The following MKLN1 variants were observed in gnomAD, a reference collection of about 807,000 sequenced individuals.
MKLN1 encodes muskelin 1.
Under a neutral mutation model 99.0 loss-of-function variants are expected in MKLN1, and 18 were observed. The ratio of observed to expected loss-of-function variants is 0.18; its 90% CI spans 0.13 to 0.27. The LOEUF (loss-of-function observed/expected upper bound fraction) is 0.27. Among genes scored for constraint, MKLN1 ranks in the 10% least tolerant of loss-of-function variants. MKLN1 has a pLI of 1.00. For synonymous variants in MKLN1, 288 were observed against 293.2 expected (o/e 0.98, Z 0.18); for missense variants, 621 against 875.9 (o/e 0.71, Z 3.67).
In MKLN1 at chr7:131,219,160, C is replaced by T. The variant is rs1325198755; in HGVS notation, c.-179+16186C>T. On this transcript the variant is annotated intron_variant, in intron 3 of 7. Transcript: ENST00000416992. ...AATGTGAACACACTTAACACAAATG[C>T]ACAGTAGACTTAAAAGTGGTTAAGA... Among the ~76,000 whole-genome samples the T allele has an allele frequency of 2.6e-5, 4 of 151,650 alleles. No individual in the cohort carries two copies. In the South Asian group the frequency reaches 6.2e-4, roughly 24 times the overall value.
intron 1 of MKLN1, among the ~76,000 whole-genome samples, chr7:131,336,312 T>G (rs1298543971): frequency 6.6e-6 from 1 of 152,134 alleles, no homozygotes; most frequent in East Asian, 1.9e-4. Context: ...TCCTTTTTGC[T>G]TTTAATGCTC....
intron 17 of MKLN1, among the ~76,000 whole-genome samples, chr7:131,483,821 A>G (rs1797192484): frequency 6.6e-6 from 1 of 152,236 alleles, no homozygotes; most frequent in Admixed American, 6.5e-5. Context: ...ATGGTAACTC[A>G]AATATTTTGC....
chr7:131,290,408 A>T (rs1451300087), intron 3 of MKLN1, among the ~76,000 whole-genome samples: 1 of 152,210 alleles, frequency 6.6e-6, no homozygotes, highest in African/African-American at 2.4e-5. Context: ...GTAAATTTGC[A>T]AATTTGTTTT....
chr7:131,138,049 A>G (rs1254433455), intron 1 of MKLN1, among the ~76,000 whole-genome samples: 1 of 149,764 alleles, frequency 6.7e-6, no homozygotes, highest in Admixed American at 6.8e-5. Flanking sequence ...CCTCAATCTC[A>G]TGAGTAGCTG....
intron 3 of MKLN1, among the ~76,000 whole-genome samples, chr7:131,307,712 C>A (rs1028454374): frequency 6.6e-6 from 1 of 152,178 alleles, no homozygotes; most frequent in Non-Finnish European, 1.5e-5. Flanking sequence ...AGCATTTACC[C>A]AATACCTGAA....
At chr7:131,169,458 A>G (rs1204054163) in intron 2 of MKLN1, among the ~76,000 whole-genome samples, 1 of 152,216 alleles carries the variant, frequency 6.6e-6, no homozygotes, top group African/African-American at 2.4e-5. Context: ...TTGACTGTTA[A>G]TTTTAACTAC....
intron 2 of MKLN1, among the ~76,000 whole-genome samples, chr7:131,190,205 T>TA (rs1796513957): frequency 6.6e-6 from 1 of 152,118 alleles, no homozygotes; most frequent in Admixed American, 6.6e-5. Context: ...TGATAGGTGG[T>TA]AACAACAAAA....
intron 2 of MKLN1, among the ~76,000 whole-genome samples, chr7:131,192,194 TAATATATACAATATATAAATATATAA>T (rs1227182809): frequency 0.019 from 1,573 of 80,954 alleles, 307 homozygotes; most frequent in African/African-American, 0.062. Flanking sequence ...ATATAAAATA[TAATATATACAATATATAAATATATAA>T]AATATATACA....
chr7:131,400,334 G>A (rs1426964834), intron 6 of MKLN1, among the ~76,000 whole-genome samples: 1 of 151,366 alleles, frequency 6.6e-6, no homozygotes, highest in East Asian at 1.9e-4. Flanking sequence ...GAATTGCTTT[G>A]AGCTCCACTT....
intron 3 of MKLN1, among the ~76,000 whole-genome samples, chr7:131,259,132 T>A (rs530242823): frequency 2.0e-5 from 3 of 152,092 alleles, no homozygotes; most frequent in Non-Finnish European, 4.4e-5. Context: ...TATATATATA[T>A]AAAACACCTT....
At chr7:131,300,519 TAA>T (rs572144976) in intron 3 of MKLN1, among the ~76,000 whole-genome samples, 1 of 139,036 alleles carries the variant, frequency 7.2e-6, no homozygotes, top group Non-Finnish European at 1.5e-5. Flanking sequence ...TGTCTCTAGT[TAA>T]AAAAAAAAAA....
chr7:131,239,353 C>T (rs1720227902), intron 3 of MKLN1, among the ~76,000 whole-genome samples: 1 of 151,582 alleles, frequency 6.6e-6, no homozygotes, highest in Non-Finnish European at 1.5e-5. Flanking sequence ...CACTCTGTCA[C>T]CCAGGCTGGA....
intron 1 of MKLN1, among the ~76,000 whole-genome samples, chr7:131,343,249 C>T (rs1799458327): frequency 6.6e-6 from 1 of 152,146 alleles, no homozygotes; most frequent in Non-Finnish European, 1.5e-5. Context: ...AGGAGATTGA[C>T]TAGTGTAGCA....
chr7:131,376,000 A>T (rs1342893492), intron 2 of MKLN1, among the ~76,000 whole-genome samples: 1 of 149,654 alleles, frequency 6.7e-6, no homozygotes, highest in Non-Finnish European at 1.5e-5. Flanking sequence ...AGGCACACGT[A>T]TGTCCATATC....
intron 2 of MKLN1, among the ~76,000 whole-genome samples, chr7:131,194,628 A>G (rs1796615813): frequency 6.6e-6 from 1 of 152,234 alleles, no homozygotes; most frequent in Admixed American, 6.5e-5. Context: ...CAAATGCCAC[A>G]GCCGCATCTC....
Position 131,467,344 on chromosome 7 carries a change from A to G in MKLN1, c.1928+929A>G, listed in dbSNP as rs187079603. ...AGAAGGGAGACTAACAATAAACATA[A>G]TAAGGAATTTATATTACATGTTAGA... On this transcript the variant is annotated intron_variant, in intron 15 of 17. Coordinates refer to ENST00000352689, the MANE Select transcript of MKLN1 (RefSeq NM_013255.5). Among the ~76,000 whole-genome samples, 4 of 152,232 alleles carry G rather than the reference A, an allele frequency of 2.6e-5. No homozygotes were observed. In the East Asian group the frequency reaches 7.7e-4, roughly 29 times the overall value.
At chr7:131,460,309 G>T (rs1366740971) in intron 12 of MKLN1, among the ~76,000 whole-genome samples, 1 of 152,018 alleles carries the variant, frequency 6.6e-6, no homozygotes, top group Non-Finnish European at 1.5e-5. Context: ...TAACATTTAT[G>T]AATAAAGGAC....
chr7:131,214,977 G>C (rs908933594), intron 3 of MKLN1, among the ~76,000 whole-genome samples: 1 of 152,026 alleles, frequency 6.6e-6, no homozygotes, highest in African/African-American at 2.4e-5. Flanking sequence ...GTTATCTTTT[G>C]TTTGCTAGTA....
intron 2 of MKLN1, among the ~76,000 whole-genome samples, chr7:131,164,217 C>A (rs899960305): frequency 5.3e-5 from 8 of 152,126 alleles, no homozygotes; most frequent in African/African-American, 1.9e-4. Flanking sequence ...GCTCAAGCAA[C>A]CCTCCCAACT....
Sources: gnomAD v4.1 joint callset for allele counts (sites outside exome capture counted in the v4.1 genomes callset) on GRCh38, gnomAD v4.1.1 for gene constraint, MANE v1.5 for transcripts, NCBI Gene and HGNC (gene_info 2026-07-23, HGNC 2026-07-21) for gene names.